The following IGFL4 variants were observed in gnomAD, a reference collection of about 807,000 sequenced individuals.
The protein encoded by IGFL4 is IGF like family member 4.
A neutral mutation model predicts 15.4 loss-of-function variants in IGFL4; 12 were observed. That is an observed-to-expected ratio of 0.78 (90% confidence interval 0.50 to 1.26). The LOEUF is 1.26. Ranked by LOEUF, IGFL4 falls within the 50% of genes most tolerant of loss-of-function variation. The pLI is 0.00. For missense variants in IGFL4, 126 were observed against 147.8 expected (o/e 0.85, Z 0.76); for synonymous variants, 54 against 55.9 (o/e 0.97, Z 0.16).
At chr19:46,051,609 GATGTGAGAATA>G (rs1462175613) in intron 2 of IGFL4, among the ~76,000 whole-genome samples, 2 of 152,068 alleles carry the variant, frequency 1.3e-5, no homozygotes, top group African/African-American at 4.8e-5. Context: ...GTAGTATTGA[GATGTGAGAATA>G]GTACCTCACA....
At chr19:46,044,796 C>G (rs1479409545), upstream of IGFL4, among the ~76,000 whole-genome samples, 3 of 152,128 alleles carry the variant, frequency 2.0e-5, no homozygotes, top group Admixed American at 2.0e-4. Context: ...TGTTTTGCAG[C>G]CTTCACTGGT....
chr19:46,076,102 T>C (rs1272445356), intron 1 of IGFL4, among the ~76,000 whole-genome samples: 1 of 152,176 alleles, frequency 6.6e-6, no homozygotes, highest in Admixed American at 6.5e-5. Flanking sequence ...TCACTGTATC[T>C]TCACATGGCA....
At chr19:46,057,434 C>T (rs574812310) in intron 2 of IGFL4, among the ~76,000 whole-genome samples, 16 of 152,114 alleles carry the variant, frequency 1.1e-4, no homozygotes, top group East Asian at 5.8e-4. Flanking sequence ...TCAATGGATA[C>T]GATTTTAGTT....
chr19:46,044,517 T>TG (rs1316759994), upstream of IGFL4, among the ~76,000 whole-genome samples: 1 of 151,944 alleles, frequency 6.6e-6, no homozygotes, highest in Non-Finnish European at 1.5e-5. Context: ...GGGGGTGTCG[T>TG]GGGGGCAGTC....
chr19:46,055,858 G>C (rs1277798309), intron 2 of IGFL4, among the ~76,000 whole-genome samples: 2 of 152,118 alleles, frequency 1.3e-5, no homozygotes, highest in Admixed American at 1.3e-4. Context: ...CTCACTGCAG[G>C]CTCCACCTGC....
chr19:46,072,724 C>T (rs1033161736), intron 1 of IGFL4, among the ~76,000 whole-genome samples: 1 of 152,226 alleles, frequency 6.6e-6, no homozygotes, highest in Non-Finnish European at 1.5e-5. Flanking sequence ...ATGCAGCTCA[C>T]AACTGGTCAG....
intron 2 of IGFL4, among the ~76,000 whole-genome samples, chr19:46,056,798 C>T (rs937352266): frequency 3.3e-5 from 5 of 152,212 alleles, no homozygotes; most frequent in Admixed American, 2.0e-4. Context: ...GAGCCCATTA[C>T]GTCATTTCTC....
At chr19:46,061,414 T>C (rs1969443751) in intron 1 of IGFL4, among the ~76,000 whole-genome samples, 1 of 152,200 alleles carries the variant, frequency 6.6e-6, no homozygotes, top group Non-Finnish European at 1.5e-5. Context: ...TATATAAACA[T>C]TACACACAAC....
At chr19:46,063,042 A>G (rs1414962908) in intron 1 of IGFL4, 1 of 152,166 alleles carries the variant, frequency 6.6e-6, no homozygotes, top group African/African-American at 2.4e-5. Flanking sequence ...CATCCTCTTA[A>G]GTCTTAGGAA....
intron 2 of IGFL4, among the ~76,000 whole-genome samples, chr19:46,051,295 A>C (rs1020617136): frequency 1.3e-5 from 2 of 152,222 alleles, no homozygotes; most frequent in Admixed American, 1.3e-4. Flanking sequence ...CTGTAATCCC[A>C]GCACTTTGGG....
At chr19:46,054,219 T>C (rs1969372949) in intron 2 of IGFL4, among the ~76,000 whole-genome samples, 1 of 152,230 alleles carries the variant, frequency 6.6e-6, no homozygotes, top group Non-Finnish European at 1.5e-5. Context: ...TGTTTTCTAC[T>C]ATAAGTTTTG....
chr19:46,041,867 A>C (rs1969248315), upstream of IGFL4, among the ~76,000 whole-genome samples: 5 of 122,640 alleles, frequency 4.1e-5, no homozygotes, highest in Non-Finnish European at 8.1e-5. Context: ...GAGACACCGT[A>C]TCTCTCTGTC....
chr19:46,064,180 G>T (rs1245546544), intron 1 of IGFL4, among the ~76,000 whole-genome samples: 1 of 136,256 alleles, frequency 7.3e-6, no homozygotes. Context: ...TTTAATATTT[G>T]TGGGTACATA....
At chr19:46,041,367 C>T (rs1313319007), upstream of IGFL4, among the ~76,000 whole-genome samples, 3 of 152,224 alleles carry the variant, frequency 2.0e-5, no homozygotes, top group African/African-American at 7.2e-5. Context: ...TCCCCATATT[C>T]CTCCACCCTG....
chr19:46,052,870 T>G (rs1289385702), intron 2 of IGFL4, among the ~76,000 whole-genome samples: 1 of 150,206 alleles, frequency 6.7e-6, no homozygotes, highest in Non-Finnish European at 1.5e-5. Flanking sequence ...TATCTCGTTT[T>G]TTTTTTTTTT....
At chr19:46,045,509 C>T (rs1969290533), upstream of IGFL4, among the ~76,000 whole-genome samples, 1 of 150,910 alleles carries the variant, frequency 6.6e-6, no homozygotes. Flanking sequence ...TGTTGTATCC[C>T]ATTGCAAATA....
At chr19:46,047,083 C>A (rs1432791868) in intron 2 of IGFL4, among the ~76,000 whole-genome samples, 2 of 152,136 alleles carry the variant, frequency 1.3e-5, no homozygotes, top group East Asian at 1.9e-4. Context: ...AATTAGAAAT[C>A]AAGATTTAAA....
At chr19:46,063,838 G>A (rs1224449004) in intron 1 of IGFL4, among the ~76,000 whole-genome samples, 7 of 152,174 alleles carry the variant, frequency 4.6e-5, no homozygotes, top group Non-Finnish European at 8.8e-5. Context: ...GCTATTCCAT[G>A]CTCATGGATT....
intron 2 of IGFL4, among the ~76,000 whole-genome samples, chr19:46,051,970 T>G (rs1279571749): frequency 6.6e-6 from 1 of 152,128 alleles, no homozygotes; most frequent in Non-Finnish European, 1.5e-5. Flanking sequence ...ACACTGGAGC[T>G]CCCAAATTTA....
Sources: gnomAD v4.1 joint callset for allele counts (sites outside exome capture counted in the v4.1 genomes callset) on GRCh38, gnomAD v4.1.1 for gene constraint, MANE v1.5 for transcripts, NCBI Gene and HGNC (gene_info 2026-07-23, HGNC 2026-07-21) for gene names.